The following PCDH7 variants were observed in gnomAD, a reference collection of about 807,000 sequenced individuals.
PCDH7 encodes the protein protocadherin-7.
Under a neutral mutation model 58.9 loss-of-function variants are expected in PCDH7, and 17 were observed. That is an observed-to-expected ratio of 0.29 (90% CI 0.20 to 0.43). The LOEUF is 0.43. PCDH7 is among the 20% of genes least tolerant of loss of function. The probability of loss-of-function intolerance (pLI) is 1.00; values close to 1 mark genes in which losing one functional copy is unlikely to be tolerated. For synonymous variants in PCDH7, 664 were observed against 616.4 expected, an observed-to-expected ratio of 1.08 and a Z score of -1.14; for missense variants, 1,274 against 1,441.0, an observed-to-expected ratio of 0.88 and a Z score of 1.88.
At chr4:30,966,483 T>C (rs1400074980) in intron 3 of PCDH7, among the ~76,000 whole-genome samples, 3 of 152,096 alleles carry the variant, frequency 2.0e-5, no homozygotes, top group Non-Finnish European at 4.4e-5. Context: ...AATTACAGAG[T>C]AATAGCTCTT....
Position 30,721,968 on chromosome 4 carries a change from G to C in PCDH7, c.546G>C (p.Leu182=). The change falls in exon 1 of 2, where the codon CTG becomes CTC. Residue 182 remains leucine, a synonymous_variant. Transcript: ENST00000361762. This position sits in a 1 kb window ranked among gnomAD's most constrained non-coding sequence, Gnocchi z 6.7. ...GCAACGGCATCGAGCGCTACGAGCT[G>C]CTCCAGGAGCCCGGAGGCGGCGGCA... 3 of 1,413,694 alleles carry C rather than the reference G, an allele frequency of 2.1e-6. No individual in the cohort carries two copies. The highest frequency in any genetic ancestry group is 2.8e-6 in the Non-Finnish European group (3 of 1,084,580). 87.6% of individuals were successfully genotyped at this position (1,413,694 alleles called of 1,614,324 possible). A position where few individuals can be genotyped will look rare whatever the true frequency, so the allele number is the denominator to read the frequency against.
chr4:30,964,613 A>ACT (rs1553920434), intron 3 of PCDH7, among the ~76,000 whole-genome samples: 1 of 40,822 alleles, frequency 2.4e-5, no homozygotes, highest in African/African-American at 9.3e-5. Flanking sequence ...GCACAAATGG[A>ACT]CTTTTTTTTT....
intron 2 of PCDH7, among the ~76,000 whole-genome samples, chr4:30,948,269 G>A (rs1468686397): frequency 4.7e-5 from 7 of 149,600 alleles, no homozygotes; most frequent in Non-Finnish European, 1.0e-4. Flanking sequence ...AAAAGTCTTA[G>A]CATATTAGCA....
chr4:30,775,809 A>G (rs1721985689), intron 1 of PCDH7, among the ~76,000 whole-genome samples: 1 of 152,092 alleles, frequency 6.6e-6, no homozygotes, highest in Non-Finnish European at 1.5e-5. Context: ...AGGCAGGTGA[A>G]TCGCTTGAAC....
chr4:31,133,027 A>T (rs1187262210), intron 3 of PCDH7, among the ~76,000 whole-genome samples: 3 of 152,320 alleles, frequency 2.0e-5, no homozygotes, highest in East Asian at 3.9e-4. Flanking sequence ...TTTTCTTCTA[A>T]ATATGAGTTT....
At chr4:31,056,292 G>A (rs955001526) in intron 3 of PCDH7, among the ~76,000 whole-genome samples, 2 of 151,330 alleles carry the variant, frequency 1.3e-5, no homozygotes, top group African/African-American at 4.9e-5. Context: ...CATTTGAGCC[G>A]AGGAGGTCGA....
At chr4:30,962,109 A>G (rs1356352746) in intron 3 of PCDH7, among the ~76,000 whole-genome samples, 1 of 152,186 alleles carries the variant, frequency 6.6e-6, no homozygotes, top group Non-Finnish European at 1.5e-5. Flanking sequence ...AAGTGCATTT[A>G]TTTATGAATG....
intron 1 of PCDH7, among the ~76,000 whole-genome samples, chr4:30,801,919 G>A (rs922327590): frequency 6.6e-6 from 1 of 152,184 alleles, no homozygotes; most frequent in African/African-American, 2.4e-5. Context: ...CTGCTGAAAT[G>A]TCCTGTTGGA....
At chr4:31,076,170 A>G (rs1758975174) in intron 3 of PCDH7, among the ~76,000 whole-genome samples, 1 of 152,138 alleles carries the variant, frequency 6.6e-6, no homozygotes, top group African/African-American at 2.4e-5. Flanking sequence ...GGAATGAATT[A>G]TGTCTGTTCT....
At chr4:31,090,023 C>T (rs921773726) in intron 3 of PCDH7, among the ~76,000 whole-genome samples, 2 of 151,946 alleles carry the variant, frequency 1.3e-5, no homozygotes, top group African/African-American at 2.4e-5. Context: ...ACTCAGATGT[C>T]GTGTACATAG....
At chr4:30,819,240 T>C (rs1728056600) in intron 1 of PCDH7, among the ~76,000 whole-genome samples, 1 of 152,142 alleles carries the variant, frequency 6.6e-6, no homozygotes, top group Non-Finnish European at 1.5e-5. Context: ...ATAAGTGTCA[T>C]GAGGATAAAA....
At chr4:30,913,613 A>G (rs1742056357) in intron 1 of PCDH7, among the ~76,000 whole-genome samples, 1 of 152,164 alleles carries the variant, frequency 6.6e-6, no homozygotes, top group African/African-American at 2.4e-5. Context: ...TATGTTATCA[A>G]TCATAGAGAT....
At chr4:30,906,029 A>T (rs1740875459) in intron 1 of PCDH7, among the ~76,000 whole-genome samples, 1 of 152,224 alleles carries the variant, frequency 6.6e-6, no homozygotes, top group South Asian at 2.1e-4. Flanking sequence ...TTCCACAAAG[A>T]TATTAAGCTT....
intron 1 of PCDH7, among the ~76,000 whole-genome samples, chr4:30,738,250 T>C (rs1716571450): frequency 6.6e-6 from 1 of 152,318 alleles, no homozygotes; most frequent in East Asian, 1.9e-4. Flanking sequence ...AAAAACACAT[T>C]GGACTGGACC....
At chr4:30,916,921 T>G (rs926353451) in intron 1 of PCDH7, among the ~76,000 whole-genome samples, 1 of 152,184 alleles carries the variant, frequency 6.6e-6, no homozygotes, top group Non-Finnish European at 1.5e-5. Flanking sequence ...TGGCATTTGT[T>G]TTTTTCACAA....
intron 1 of PCDH7, among the ~76,000 whole-genome samples, chr4:30,896,997 C>T (rs912131249): frequency 4.1e-5 from 6 of 146,728 alleles, no homozygotes; most frequent in South Asian, 4.4e-4. Context: ...CTCTGCCTCC[C>T]GAGTTCATGC....
intron 3 of PCDH7, among the ~76,000 whole-genome samples, chr4:31,026,766 C>A (rs991280959): frequency 3.9e-5 from 6 of 152,132 alleles, no homozygotes; most frequent in African/African-American, 1.2e-4. Flanking sequence ...AAAAAACCTG[C>A]ACACACACAT....
At position 31,097,020 on chromosome 4, in the gene PCDH7, AAGAG is replaced by A. The variant is rs560495629; in HGVS notation, c.*8-45449_*8-45446del. Among the ~76,000 whole-genome samples, 526 of 152,138 alleles carry A rather than the reference AAGAG, an allele frequency of 3.5e-3. 1 individual carries two copies. In the Middle Eastern group the frequency reaches 0.037, roughly 11 times the overall value. On this transcript the variant is annotated intron_variant, in intron 3 of 3. Transcript: ENST00000509759. ...GTGTATGTCTATACACAGAGAGAAA[AAGAG>A]AGACTTTTATATCACTATTATGTAA...
At chr4:30,953,937 G>A (rs1747602043) in intron 3 of PCDH7, among the ~76,000 whole-genome samples, 1 of 152,162 alleles carries the variant, frequency 6.6e-6, no homozygotes, top group Middle Eastern at 3.4e-3. Context: ...TTGATTGACT[G>A]ATAATATGGT....
Sources: gnomAD v4.1 joint callset for allele counts (sites outside exome capture counted in the v4.1 genomes callset) on GRCh38, gnomAD v4.1.1 for gene constraint, Gnocchi (gnomAD v3.1) non-coding constraint, MANE v1.5 for transcripts, NCBI Gene and HGNC (gene_info 2026-07-23, HGNC 2026-07-21) for gene names.